Variants in TRIM71 observed in about 807,000 individuals in gnomAD.
TRIM71 encodes the protein E3 ubiquitin-protein ligase TRIM71.
A neutral mutation model predicts 61.2 loss-of-function variants in TRIM71; 9 were observed. That is an observed-to-expected ratio of 0.15 (90% CI 0.09 to 0.26). The LOEUF (loss-of-function observed/expected upper bound fraction) is 0.26. TRIM71 is among the 10% of genes least tolerant of loss of function. TRIM71 has a pLI of 1.00. For synonymous variants in TRIM71, 645 were observed against 553.2 expected, an observed-to-expected ratio of 1.17 and a Z score of -2.33; for missense variants, 998 against 1,238.7, an observed-to-expected ratio of 0.81 and a Z score of 2.92.
intron 1 of TRIM71, among the ~76,000 whole-genome samples, chr3:32,831,602 G>T (rs533095305): frequency 6.9e-6 from 1 of 144,404 alleles, no homozygotes; most frequent in Admixed American, 7.2e-5. Context: ...ACAATGGCGC[G>T]ATCTCGGCTC....
At position 32,892,947 on chromosome 3, in the gene TRIM71, C is replaced by T; in HGVS notation, c.*1136C>T. Reference sequence around the variant, plus strand: ...CAGAAAGGGCAGGGTCTGCCCTGACCCGCGAGTGCATGTTGTTCTGTAGTG... The same window carrying T: ...CAGAAAGGGCAGGGTCTGCCCTGACTCGCGAGTGCATGTTGTTCTGTAGTG... On this transcript the variant is annotated 3_prime_UTR_variant, in exon 4 of 4. Coordinates refer to ENST00000383763, the MANE Select transcript of TRIM71 (RefSeq NM_001039111.3). The T allele has an allele frequency of 6.6e-6, 1 of 152,264 alleles. No homozygotes were observed. The allele number at this position is 152,264 out of a possible 1,614,324, so 9.4% of individuals were successfully genotyped here. A position where few individuals can be genotyped will look rare whatever the true frequency, so the allele number is the denominator to read the frequency against.
intron 1 of TRIM71, among the ~76,000 whole-genome samples, chr3:32,838,583 A>G (rs1244277402): frequency 6.7e-6 from 1 of 150,152 alleles, no homozygotes; most frequent in Non-Finnish European, 1.5e-5. Context: ...GTGAAGTCCT[A>G]ACGCAGAATG....
chr3:32,891,759 A>T lies in TRIM71; in HGVS notation c.2555A>T (p.Asp852Val). Residue 852 changes from aspartate to valine, a missense_variant, in exon 4 of 4, where the codon GAC becomes GTC. Physicochemically the swap from Asp to Val is radical, Grantham distance 152. Coordinates refer to ENST00000383763, the MANE Select transcript of TRIM71 (RefSeq NM_001039111.3). The surrounding 1 kb of genome is among the most constrained non-coding windows in gnomAD (Gnocchi z 8.2). ...DRPSGIAITPDGMIVVVDFGN... is the reference protein window; with the variant it reads ...DRPSGIAITPVGMIVVVDFGN... ...CCTTCCGGCATCGCCATCACCCCCG[A>T]CGGAATGATCGTTGTGGTGGACTTT... The T allele has an allele frequency of 6.2e-7, 1 of 1,613,974 alleles. No individual in the cohort carries two copies. The highest frequency in any genetic ancestry group is 1.1e-5 in the South Asian group (1 of 91,080).
intron 1 of TRIM71, among the ~76,000 whole-genome samples, chr3:32,830,794 C>T (rs1011232220): frequency 6.6e-6 from 1 of 152,102 alleles, no homozygotes; most frequent in Admixed American, 6.6e-5. Flanking sequence ...AATGCCTCCC[C>T]CTGCCCCAAA....
chr3:32,859,808 C>A (rs72852808), intron 1 of TRIM71, among the ~76,000 whole-genome samples: 8,301 of 152,138 alleles, frequency 0.055, 418 homozygotes, highest in African/African-American at 0.13. Flanking sequence ...GGATGGGGAG[C>A]AGCCAAGGGA....
intron 1 of TRIM71, among the ~76,000 whole-genome samples, chr3:32,863,887 G>A (rs1194304886): frequency 6.6e-6 from 1 of 152,008 alleles, no homozygotes; most frequent in Non-Finnish European, 1.5e-5. Context: ...TCACTATGTT[G>A]GCCAGGCTGG....
rs72851678 is a variant in TRIM71 at position 32,842,546 on chromosome 3, C to T, written c.852+23614C>T. On this transcript the variant is annotated intron_variant, in intron 1 of 3. Coordinates refer to ENST00000383763, the MANE Select transcript of TRIM71 (RefSeq NM_001039111.3). ...AGCACTTGTCAAATATGCATATAAT[C>T]CCCATGTATGCTCTGTCCCTTCCTG... Among the ~76,000 whole-genome samples, 1,423 of 152,308 alleles carry T rather than the reference C, an allele frequency of 9.3e-3. 16 individuals are homozygous for T. The highest frequency in any genetic ancestry group is 0.032 in the African/African-American group (1,336 of 41,560).
At position 32,895,177 on chromosome 3, in the gene TRIM71, C is replaced by T. The variant is rs1418311017; in HGVS notation, c.*3366C>T. 6.6e-6 allele frequency: 1 copy of T among 152,160 alleles called. No homozygotes were observed. The highest frequency in any genetic ancestry group is 1.5e-5 in the Non-Finnish European group (1 of 68,040). The allele number at this position is 152,160 out of a possible 1,614,324, so 9.4% of individuals were successfully genotyped here. A position where few individuals can be genotyped will look rare whatever the true frequency, so the allele number is the denominator to read the frequency against. ...ATCTAATGCTGTCTCAGAACATGTG[C>T]CCTGTTGTGGCTGCAAGTGGCACTC... On this transcript the variant is annotated 3_prime_UTR_variant, in exon 4 of 4. Transcript: ENST00000383763.
At chr3:32,879,802 G>A (rs769602480) in intron 2 of TRIM71, among the ~76,000 whole-genome samples, 5 of 151,692 alleles carry the variant, frequency 3.3e-5, no homozygotes, top group Non-Finnish European at 5.9e-5. Flanking sequence ...GTGAGATCTT[G>A]TCTCTACAAA....
At chr3:32,863,551 T>C (rs1367717055) in intron 1 of TRIM71, among the ~76,000 whole-genome samples, 3 of 152,210 alleles carry the variant, frequency 2.0e-5, no homozygotes, top group Non-Finnish European at 4.4e-5. Context: ...ACTACTGTTG[T>C]TTTCTTCCAC....
At chr3:32,857,232 C>G (rs1466486151) in intron 1 of TRIM71, among the ~76,000 whole-genome samples, 1 of 152,218 alleles carries the variant, frequency 6.6e-6, no homozygotes, top group Non-Finnish European at 1.5e-5. Flanking sequence ...CTTCTTTGCT[C>G]AAGCTGTTCC....
At chr3:32,838,498 C>T (rs1399950604) in intron 1 of TRIM71, among the ~76,000 whole-genome samples, 2 of 149,298 alleles carry the variant, frequency 1.3e-5, no homozygotes, top group Non-Finnish European at 3.0e-5. Flanking sequence ...GCAGAGATTA[C>T]AGGCGTGAGC....
intron 1 of TRIM71, among the ~76,000 whole-genome samples, chr3:32,823,773 T>G (rs1696167027): frequency 6.7e-6 from 1 of 148,928 alleles, no homozygotes; most frequent in South Asian, 2.1e-4. Context: ...TCTAAAAAGA[T>G]ACAGGGAAAT....
intron 1 of TRIM71, among the ~76,000 whole-genome samples, chr3:32,854,465 T>C (rs1346670975): frequency 6.6e-6 from 1 of 152,206 alleles, no homozygotes; most frequent in Non-Finnish European, 1.5e-5. Flanking sequence ...AGTTTTCCTC[T>C]GGTTCTCTGT....
chr3:32,830,587 G>T (rs967313806), intron 1 of TRIM71, among the ~76,000 whole-genome samples: 2 of 152,128 alleles, frequency 1.3e-5, no homozygotes, highest in Admixed American at 6.5e-5. Context: ...GAGCAATTTG[G>T]CATTGATGGA....
intron 1 of TRIM71, among the ~76,000 whole-genome samples, chr3:32,861,527 G>C (rs1161372370): frequency 6.6e-6 from 1 of 151,998 alleles, no homozygotes; most frequent in Admixed American, 6.5e-5. Flanking sequence ...CGGAGTTCAA[G>C]ACCAGCCTGG....
rs1262258890 is a variant in TRIM71, at chr3:32,897,058, TGTTA to T, written c.*5252_*5255del. 6.7e-6 allele frequency: 1 copy of T among 148,390 alleles called. No individual in the cohort carries two copies. The highest frequency in any genetic ancestry group is 2.5e-5 in the African/African-American group (1 of 40,042). 9.2% of individuals were successfully genotyped at this position (148,390 alleles called of 1,614,324 possible). A position where few individuals can be genotyped will look rare whatever the true frequency, so the allele number is the denominator to read the frequency against. On this transcript the variant is annotated 3_prime_UTR_variant, in exon 4 of 4. Transcript: ENST00000383763. ...AAGGGGTGTTGTTTTTTAACTAGCA[TGTTA>T]GTTATACTTGGGTGGGTGGGAGGGT...
At chr3:32,859,055 C>T (rs868157583) in intron 1 of TRIM71, among the ~76,000 whole-genome samples, 4 of 152,070 alleles carry the variant, frequency 2.6e-5, no homozygotes, top group South Asian at 2.1e-4. Context: ...CTCCTGGCTT[C>T]GTGACCTGCT....
At chr3:32,885,448 T>C (rs1293214281) in intron 2 of TRIM71, among the ~76,000 whole-genome samples, 1 of 152,126 alleles carries the variant, frequency 6.6e-6, no homozygotes, top group Non-Finnish European at 1.5e-5. Context: ...GGGTGAGCTG[T>C]GTTGCCAGTG....
Sources: gnomAD v4.1 joint callset for allele counts (sites outside exome capture counted in the v4.1 genomes callset) on GRCh38, gnomAD v4.1.1 for gene constraint, Gnocchi (gnomAD v3.1) non-coding constraint, MANE v1.5 for transcripts, NCBI Gene and HGNC (gene_info 2026-07-23, HGNC 2026-07-21) for gene names.